Variants in OTUD7A observed in about 807,000 individuals in gnomAD.
The protein encoded by OTUD7A is OTU deubiquitinase 7A.
In OTUD7A, 12 loss-of-function variants were observed where a neutral mutation model predicts 65.7. The ratio of observed to expected loss-of-function variants is 0.18; its 90% CI spans 0.12 to 0.30. The LOEUF (loss-of-function observed/expected upper bound fraction) is 0.30, where lower values mean the gene tolerates loss of function less well. Among genes scored for constraint, OTUD7A ranks in the 10% least tolerant of loss-of-function variants. The pLI, the probability that OTUD7A is intolerant of heterozygous loss-of-function variation, is 1.00. For missense variants in OTUD7A, 1,148 were observed against 1,304.8 expected (o/e 0.88, Z 1.85); for synonymous variants, 641 against 586.3 (o/e 1.09, Z -1.35).
Position 31,483,716 on chromosome 15 carries a change from C to T in OTUD7A, c.2380G>A (p.Ala794Thr). ...GCGCACGGCCGCAGCGCCCCCACGG[C>T]CGGCGCGCACGCCTCGTCCCGCGCG... ...SGARDEACAP[A>T]VGALRPCATY... The change falls in exon 13 of 13, where the codon GCC (alanine) becomes ACC (threonine). Residue 794 changes from alanine to threonine, a missense_variant. Ala to Thr is a moderately conservative substitution (Grantham distance 58, BLOSUM62 0). This residue lies in a region of OTUD7A where 842 missense variants were observed against 769.5 expected (regional missense o/e 1.09). Transcript: ENST00000307050. 1 of 1,138,190 alleles carries T rather than the reference C, an allele frequency of 8.8e-7. No individual in the cohort carries two copies. Among genetic ancestry groups the T allele is most frequent in the South Asian group, 4.0e-5 (1 of 24,922 alleles). 70.5% of individuals were successfully genotyped at this position (1,138,190 alleles called of 1,614,324 possible). A position where few individuals can be genotyped will look rare whatever the true frequency, so the allele number is the denominator to read the frequency against.
chr15:31,778,627 G>A (rs1895452929), intron 1 of OTUD7A, among the ~76,000 whole-genome samples: 2 of 152,040 alleles, frequency 1.3e-5, no homozygotes. Flanking sequence ...TTGAGTGTGT[G>A]GATTCGTGGA....
chr15:31,811,736 G>A (rs961173109), intron 1 of OTUD7A, among the ~76,000 whole-genome samples: 9 of 152,192 alleles, frequency 5.9e-5, no homozygotes, highest in Non-Finnish European at 7.4e-5. Flanking sequence ...GGAGGATACA[G>A]AGCACAATGA....
At chr15:31,789,706 CTTTTTTT>C (rs11354353) in intron 1 of OTUD7A, among the ~76,000 whole-genome samples, 17 of 105,876 alleles carry the variant, frequency 1.6e-4, no homozygotes, top group Admixed American at 6.0e-4. Context: ...CAATGCTGCC[CTTTTTTT>C]TTTTTTTTTT....
intron 1 of OTUD7A, among the ~76,000 whole-genome samples, chr15:31,843,319 A>G (rs559266537): frequency 6.1e-5 from 9 of 147,590 alleles, no homozygotes; most frequent in African/African-American, 2.3e-4. Flanking sequence ...AATTTTTAAA[A>G]TATTTTTTCT....
At chr15:31,620,001 CT>C (rs1890726090) in intron 3 of OTUD7A, among the ~76,000 whole-genome samples, 1 of 152,070 alleles carries the variant, frequency 6.6e-6, no homozygotes, top group Admixed American at 6.6e-5. Context: ...TGTCAAAGGC[CT>C]TTTCTGCATC....
At chr15:31,551,909 A>G (rs571432343) in intron 5 of OTUD7A, among the ~76,000 whole-genome samples, 1 of 152,176 alleles carries the variant, frequency 6.6e-6, no homozygotes. Flanking sequence ...GTTGTCCCCA[A>G]TAATCCTGGT....
At chr15:31,777,109 G>A (rs1895402595) in intron 1 of OTUD7A, among the ~76,000 whole-genome samples, 1 of 152,184 alleles carries the variant, frequency 6.6e-6, no homozygotes, top group South Asian at 2.1e-4. Flanking sequence ...TGGTTCTGGA[G>A]GCTGGGGAGT....
intron 8 of OTUD7A, among the ~76,000 whole-genome samples, chr15:31,518,967 C>G (rs542685156): frequency 6.6e-5 from 10 of 152,356 alleles, no homozygotes; most frequent in Non-Finnish European, 1.3e-4. Flanking sequence ...CCCAGTGCTT[C>G]GAAGGGACTG....
intron 8 of OTUD7A, among the ~76,000 whole-genome samples, chr15:31,525,687 T>C (rs2042001174): frequency 1.3e-5 from 2 of 152,384 alleles, no homozygotes; most frequent in East Asian, 1.9e-4. Context: ...CCAGAGAATA[T>C]GAACTGAAGA....
At chr15:31,818,715 C>T (rs1466058518) in intron 1 of OTUD7A, among the ~76,000 whole-genome samples, 1 of 152,212 alleles carries the variant, frequency 6.6e-6, no homozygotes, top group Non-Finnish European at 1.5e-5. Flanking sequence ...GGTAGTAAGA[C>T]ATAAGCTTTT....
intron 1 of OTUD7A, among the ~76,000 whole-genome samples, chr15:31,832,023 G>A (rs138734649): frequency 1.0e-3 from 153 of 152,368 alleles, no homozygotes; most frequent in African/African-American, 3.5e-3. Context: ...TCTGTATCTT[G>A]ATATGGACTT....
At chr15:31,714,902 G>A (rs563315093) in intron 1 of OTUD7A, among the ~76,000 whole-genome samples, 2 of 152,146 alleles carry the variant, frequency 1.3e-5, no homozygotes, top group South Asian at 2.1e-4. Context: ...TTGGGAGGCC[G>A]AGGCAGGCGG....
intron 1 of OTUD7A, chr15:31,768,231 G>A: frequency 2.2e-6 from 2 of 924,500 alleles, no homozygotes; most frequent in Non-Finnish European, 3.6e-6. Flanking sequence ...GGCATCCATG[G>A]CAGTGTAGGT....
intron 1 of OTUD7A, among the ~76,000 whole-genome samples, chr15:31,691,429 TC>T (rs1892960680): frequency 1.3e-5 from 2 of 151,952 alleles, no homozygotes; most frequent in Non-Finnish European, 2.9e-5. Flanking sequence ...CACAAATAAA[TC>T]CACACACTTA....
chr15:31,835,560 G>A (rs1450653791), intron 1 of OTUD7A, among the ~76,000 whole-genome samples: 2 of 152,138 alleles, frequency 1.3e-5, no homozygotes, highest in Admixed American at 6.5e-5. Context: ...CAAGTATGCT[G>A]TTTTATTCCC....
chr15:31,569,465 T>A (rs962169656), intron 4 of OTUD7A, among the ~76,000 whole-genome samples: 1 of 152,218 alleles, frequency 6.6e-6, no homozygotes, highest in Non-Finnish European at 1.5e-5. Flanking sequence ...TTGAACAATA[T>A]AGCAAGAGGA....
At chr15:31,595,892 T>C (rs1300324340) in intron 3 of OTUD7A, among the ~76,000 whole-genome samples, 1 of 152,080 alleles carries the variant, frequency 6.6e-6, no homozygotes, top group East Asian at 1.9e-4. Context: ...GTTCCTTGGC[T>C]TGTGGCCCCT....
intron 3 of OTUD7A, among the ~76,000 whole-genome samples, chr15:31,605,504 C>T (rs955126497): frequency 6.6e-6 from 1 of 152,146 alleles, no homozygotes; most frequent in African/African-American, 2.4e-5. Context: ...GGGCCTGCAT[C>T]CTAACTGGGT....
intron 1 of OTUD7A, among the ~76,000 whole-genome samples, chr15:31,714,791 A>C (rs1205403689): frequency 1.3e-5 from 2 of 152,208 alleles, no homozygotes. Flanking sequence ...AGCAAACCAC[A>C]GTCTGCCCCT....
Sources: allele counts gnomAD v4.1 joint callset (sites outside exome capture counted in the v4.1 genomes callset), GRCh38; gene constraint gnomAD v4.1.1; regional missense constraint gnomAD v4.1.1; transcripts MANE v1.5; gene names NCBI Gene and HGNC (gene_info 2026-07-23, HGNC 2026-07-21).